SLC44A5: variants seen among roughly 807,000 people sequenced by gnomAD.
SLC44A5 encodes the protein choline transporter-like protein 5.
In SLC44A5, 57 loss-of-function variants were observed where a neutral mutation model predicts 101.8. The observed-to-expected ratio is 0.56, with a 90% confidence interval of 0.45 to 0.70. The LOEUF (loss-of-function observed/expected upper bound fraction) is 0.70, where lower values mean the gene tolerates loss of function less well. Ranked by LOEUF, SLC44A5 falls within the 30% of genes least tolerant of loss-of-function variation. The pLI, the probability that SLC44A5 is intolerant of heterozygous loss-of-function variation, is 0.00. For synonymous variants in SLC44A5, 281 were observed against 290.9 expected, an observed-to-expected ratio of 0.97 and a Z score of 0.35; for missense variants, 737 against 853.1, an observed-to-expected ratio of 0.86 and a Z score of 1.70.
intron 1 of SLC44A5, among the ~76,000 whole-genome samples, chr1:75,543,606 T>G (rs909425051): frequency 7.0e-6 from 1 of 141,914 alleles, no homozygotes; most frequent in African/African-American, 2.5e-5. Flanking sequence ...TATATATATA[T>G]ATACACACAC....
chr1:75,665,944 C>T, the SLC44A5 span, among the ~76,000 whole-genome samples: 3 of 151,914 alleles, frequency 2.0e-5, no homozygotes, highest in African/African-American at 7.3e-5. Context: ...GTCAGAATGG[C>T]TACTATTAAA....
At chr1:75,475,561 G>T (rs1358371341) in intron 2 of SLC44A5, among the ~76,000 whole-genome samples, 1 of 152,062 alleles carries the variant, frequency 6.6e-6, no homozygotes, top group Non-Finnish European at 1.5e-5. Flanking sequence ...TTTTCATTCT[G>T]CCAGTTTCAC....
At chr1:75,406,233 C>CA (rs1303742628) in intron 2 of SLC44A5, among the ~76,000 whole-genome samples, 1 of 151,880 alleles carries the variant, frequency 6.6e-6, no homozygotes, top group South Asian at 2.1e-4. Flanking sequence ...GCCTACCAAC[C>CA]AAAAAAAGCC....
chr1:75,232,934 A>G (rs1483624721), intron 12 of SLC44A5, among the ~76,000 whole-genome samples: 1 of 152,230 alleles, frequency 6.6e-6, no homozygotes, highest in African/African-American at 2.4e-5. Flanking sequence ...AATGACAGAA[A>G]TAAGAGATTG....
At chr1:75,386,031 A>G (rs1037162061) in intron 3 of SLC44A5, among the ~76,000 whole-genome samples, 1 of 152,214 alleles carries the variant, frequency 6.6e-6, no homozygotes, top group African/African-American at 2.4e-5. Flanking sequence ...AAAACTCTCA[A>G]TAAATTAGGC....
chr1:75,687,324 TAC>T, the SLC44A5 span, among the ~76,000 whole-genome samples: 4 of 152,152 alleles, frequency 2.6e-5, no homozygotes, highest in East Asian at 1.9e-4. Context: ...CTTTTTTTCA[TAC>T]AGAGTCTCAC....
intron 5 of SLC44A5, among the ~76,000 whole-genome samples, chr1:75,293,490 G>GA (rs1653730552): frequency 6.6e-6 from 1 of 152,090 alleles, no homozygotes; most frequent in Admixed American, 6.6e-5. Flanking sequence ...TCCCTTAAAG[G>GA]TACATTTTAA....
chr1:75,419,410 G>A (rs1390214638), intron 2 of SLC44A5, among the ~76,000 whole-genome samples: 2 of 150,756 alleles, frequency 1.3e-5, no homozygotes, highest in Non-Finnish European at 3.0e-5. Context: ...AATGAATGAC[G>A]GTAGACTGCT....
chr1:75,648,205 G>A, the SLC44A5 span, among the ~76,000 whole-genome samples: 1 of 152,202 alleles, frequency 6.6e-6, no homozygotes, highest in East Asian at 1.9e-4. Flanking sequence ...TTCCCACTTT[G>A]CTTGGCACTT....
At chr1:75,236,831 A>C (rs1005750625) in intron 11 of SLC44A5, among the ~76,000 whole-genome samples, 156 bp downstream of exon 11, 1 of 152,106 alleles carries the variant, frequency 6.6e-6, no homozygotes, top group Non-Finnish European at 1.5e-5. Flanking sequence ...TCACCTGAAA[A>C]AGAAAATGGC....
chr1:75,529,274 A>G (rs1300370532), intron 2 of SLC44A5, among the ~76,000 whole-genome samples: 1 of 152,182 alleles, frequency 6.6e-6, no homozygotes, highest in Non-Finnish European at 1.5e-5. Context: ...CATGTGCATT[A>G]AAAATGGCTC....
the SLC44A5 span, among the ~76,000 whole-genome samples, chr1:75,720,085 C>A: frequency 1.3e-5 from 2 of 152,194 alleles, no homozygotes; most frequent in South Asian, 4.1e-4. Flanking sequence ...TAGATCAAGA[C>A]AACTTTGATG....
chr1:75,573,127 CAAAAAAAAAAAAAA>C (rs745593621), intron 1 of SLC44A5, among the ~76,000 whole-genome samples: 2 of 16,690 alleles, frequency 1.2e-4, no homozygotes, highest in South Asian at 3.3e-3. Context: ...GGCTCCATCT[CAAAAAAAAAAAAAA>C]AAAAAAAAAA....
chr1:75,522,258 T>C (rs1243657717), intron 2 of SLC44A5: 1 of 152,114 alleles, frequency 6.6e-6, no homozygotes, highest in Non-Finnish European at 1.5e-5. Flanking sequence ...GAGTGTTCTA[T>C]GTGTATAATG....
chr1:75,427,671 G>T (rs1004289967), intron 2 of SLC44A5, among the ~76,000 whole-genome samples: 5 of 152,122 alleles, frequency 3.3e-5, no homozygotes, highest in Admixed American at 6.5e-5. Flanking sequence ...GCTGTGATGG[G>T]ATTTTGGATG....
At chr1:75,661,190 T>C in the SLC44A5 span, among the ~76,000 whole-genome samples, 1 of 151,950 alleles carries the variant, frequency 6.6e-6, no homozygotes, top group African/African-American at 2.4e-5. Flanking sequence ...TCCACACATT[T>C]ATAGCTAACT....
chr1:75,613,382 A>C (rs1398210684), upstream of SLC44A5, among the ~76,000 whole-genome samples: 1 of 152,230 alleles, frequency 6.6e-6, no homozygotes, highest in Non-Finnish European at 1.5e-5. Context: ...CTGCAGTCAG[A>C]TGCTTTTGTA....
At chr1:75,433,132 T>A (rs565202929) in intron 2 of SLC44A5, among the ~76,000 whole-genome samples, 1 of 152,258 alleles carries the variant, frequency 6.6e-6, no homozygotes, top group East Asian at 1.9e-4. Flanking sequence ...CTCCTCTATA[T>A]AACTATCTCA....
chr1:75,203,613 C>A lies in SLC44A5; in HGVS notation c.*114G>T. On this transcript the variant is annotated 3_prime_UTR_variant, in exon 24 of 24. Transcript: ENST00000370859. ...TATAAAACATGCAAATGCAAGCCAA[C>A]AAGGTCGTGAATACAGTGTTGCTAA... is the stretch of plus-strand genomic sequence containing the variant. 1 of 1,280,572 alleles carries A rather than the reference C, an allele frequency of 7.8e-7. No individual in the cohort carries two copies. Among genetic ancestry groups the A allele is most frequent in the Non-Finnish European group, 1.0e-6 (1 of 960,362 alleles). 79.3% of individuals were successfully genotyped at this position (1,280,572 alleles called of 1,614,324 possible).
Sources: allele counts gnomAD v4.1 joint callset (sites outside exome capture counted in the v4.1 genomes callset), GRCh38; gene constraint gnomAD v4.1.1; transcripts MANE v1.5; gene names NCBI Gene and HGNC (gene_info 2026-07-23, HGNC 2026-07-21).